Variants in ANKS1B observed in about 807,000 individuals in gnomAD.
ANKS1B encodes the protein ankyrin repeat and sterile alpha motif domain-containing protein 1B.
In ANKS1B, 36 loss-of-function variants were observed where a neutral mutation model predicts 148.3. The ratio of observed to expected loss-of-function variants is 0.24; its 90% CI spans 0.19 to 0.32. ANKS1B has a LOEUF of 0.32. Ranked by LOEUF, ANKS1B falls within the 10% of genes least tolerant of loss-of-function variation. The pLI, the probability that ANKS1B is intolerant of heterozygous loss-of-function variation, is 1.00. For synonymous variants in ANKS1B, 542 were observed against 560.8 expected (o/e 0.97, Z 0.47); for missense variants, 1,157 against 1,542.6 (o/e 0.75, Z 4.19).
chr12:99,205,858 A>C (rs1257579761), intron 14 of ANKS1B, among the ~76,000 whole-genome samples: 1 of 152,186 alleles, frequency 6.6e-6, no homozygotes, highest in African/African-American at 2.4e-5. Context: ...AAATTCGTAG[A>C]GATTTGGTTT....
intron 12 of ANKS1B, among the ~76,000 whole-genome samples, chr12:99,349,995 T>C (rs1268489951): frequency 6.6e-6 from 1 of 152,068 alleles, no homozygotes; most frequent in Non-Finnish European, 1.5e-5. Flanking sequence ...CCTATTGATA[T>C]GGTTTGGATC....
intron 17 of ANKS1B, among the ~76,000 whole-genome samples, chr12:98,840,858 T>G (rs906945553): frequency 6.6e-6 from 1 of 152,162 alleles, no homozygotes; most frequent in African/African-American, 2.4e-5. Flanking sequence ...TAGGAGAAAT[T>G]TGGTTTACAT....
intron 17 of ANKS1B, among the ~76,000 whole-genome samples, chr12:98,857,042 C>A (rs1183169955): frequency 9.3e-6 from 1 of 107,488 alleles, no homozygotes; most frequent in Non-Finnish European, 2.2e-5. Flanking sequence ...CCCCTGCACA[C>A]AATGATTCCT....
intron 12 of ANKS1B, among the ~76,000 whole-genome samples, chr12:99,383,747 G>A (rs1020480567): frequency 1.3e-5 from 2 of 150,524 alleles, no homozygotes; most frequent in African/African-American, 2.5e-5. Flanking sequence ...AGTGCAGTGC[G>A]CATGCCTGTA....
chr12:99,216,425 AT>A, intron 14 of ANKS1B, among the ~76,000 whole-genome samples: 1 of 151,234 alleles, frequency 6.6e-6, no homozygotes, highest in East Asian at 1.9e-4. Flanking sequence ...CATTTCTTTT[AT>A]TTGTTAAAAC....
chr12:99,715,570 C>A (rs891389196), intron 8 of ANKS1B, among the ~76,000 whole-genome samples: 3 of 152,194 alleles, frequency 2.0e-5, no homozygotes, highest in Non-Finnish European at 4.4e-5. Flanking sequence ...TTGGTGGTCT[C>A]TTCACACGGA....
chr12:99,850,048 A>G (rs2087449727), intron 1 of ANKS1B, among the ~76,000 whole-genome samples: 1 of 152,128 alleles, frequency 6.6e-6, no homozygotes, highest in African/African-American at 2.4e-5. Context: ...ATAGAATTGG[A>G]TTTAGATGTC....
rs77956614 is a variant in ANKS1B, at chr12:99,805,994, A to G, written c.669+410T>C. 7.5e-3 allele frequency among the ~76,000 whole-genome samples: 1,136 copies of G among 152,350 alleles called. 15 individuals carry two copies. The highest frequency in any genetic ancestry group is 0.026 in the African/African-American group (1,090 of 41,582). The stretch of plus-strand genomic sequence containing the variant: ...TTCTCAATCCCAAAGGACAGTTGTG[A>G]GAATTGAATTCTAAATGTGTCAACA... On this transcript the variant is annotated intron_variant, in intron 4 of 26. Transcript: ENST00000683438.
intron 8 of ANKS1B, among the ~76,000 whole-genome samples, chr12:99,673,583 G>T (rs924597199): frequency 2.0e-5 from 3 of 151,906 alleles, no homozygotes; most frequent in Admixed American, 1.3e-4. Context: ...TATAACTCAA[G>T]AATTTTATAC....
chr12:98,927,418 C>T lies in ANKS1B; in HGVS notation c.2779-95282G>A, dbSNP rs1229227857. On this transcript the variant is annotated intron_variant, in intron 17 of 26. Coordinates refer to ENST00000683438, the MANE Select transcript of ANKS1B (RefSeq NM_001352186.2). ...ATCCACATGAAAAAATAAAGAGTACCAGTACAAGTAACTGCATTTGTAAAT... is the reference window on the plus strand; with the variant it reads ...ATCCACATGAAAAAATAAAGAGTACTAGTACAAGTAACTGCATTTGTAAAT... Among the ~76,000 whole-genome samples, 8 of 151,954 alleles carry T rather than the reference C, an allele frequency of 5.3e-5. No homozygotes were observed. The East Asian group carries it at 7.7e-4, about 15-fold the overall frequency.
chr12:99,429,963 C>CA (rs972516311), intron 11 of ANKS1B, among the ~76,000 whole-genome samples: 142 of 144,914 alleles, frequency 9.8e-4, no homozygotes, highest in African/African-American at 3.4e-3. Context: ...GACTCCGTCT[C>CA]AAAAAAAATA....
At chr12:98,794,808 C>G in intron 22 of ANKS1B, 2 of 1,553,194 alleles carry the variant, frequency 1.3e-6, no homozygotes, top group Non-Finnish European at 1.8e-6. Flanking sequence ...GCTTAATGAA[C>G]AGATTGAAGA....
intron 12 of ANKS1B, among the ~76,000 whole-genome samples, chr12:99,325,703 G>T (rs2086181395): frequency 6.6e-6 from 1 of 152,080 alleles, no homozygotes; most frequent in Non-Finnish European, 1.5e-5. Context: ...TCAAGATTCT[G>T]AAGCATTTCT....
chr12:99,424,718 T>C (rs1179757205), intron 11 of ANKS1B, among the ~76,000 whole-genome samples: 1 of 151,872 alleles, frequency 6.6e-6, no homozygotes, highest in African/African-American at 2.4e-5. Flanking sequence ...TGTCTGTCTG[T>C]CTGTCTGTCT....
chr12:98,974,822 G>T (rs945007153), intron 17 of ANKS1B, among the ~76,000 whole-genome samples: 7 of 151,906 alleles, frequency 4.6e-5, no homozygotes, highest in Admixed American at 1.3e-4. Flanking sequence ...TTGTCTCCTT[G>T]CCTACCTTCC....
intron 12 of ANKS1B, among the ~76,000 whole-genome samples, chr12:99,293,468 G>A (rs958938731): frequency 1.3e-5 from 2 of 152,036 alleles, no homozygotes; most frequent in African/African-American, 4.8e-5. Flanking sequence ...CCTGCTCGTT[G>A]TGCACATGTA....
At chr12:99,787,158 C>G (rs1279203412) in intron 4 of ANKS1B, among the ~76,000 whole-genome samples, 3 of 152,054 alleles carry the variant, frequency 2.0e-5, no homozygotes, top group Non-Finnish European at 4.4e-5. Flanking sequence ...GCTATGTCCC[C>G]ATCCAAATCT....
At chr12:99,297,526 G>A (rs1266288971) in intron 12 of ANKS1B, among the ~76,000 whole-genome samples, 1 of 152,186 alleles carries the variant, frequency 6.6e-6, no homozygotes, top group Non-Finnish European at 1.5e-5. Context: ...GCTAGGCAAT[G>A]GAGATAAGAA....
chr12:99,750,151 TGTGA>T (rs1221128988), intron 8 of ANKS1B, among the ~76,000 whole-genome samples: 19 of 152,192 alleles, frequency 1.2e-4, no homozygotes, highest in African/African-American at 4.6e-4. Flanking sequence ...TATGTAAATT[TGTGA>T]GTGAGGCACT....
Sources: gnomAD v4.1 joint callset for allele counts (sites outside exome capture counted in the v4.1 genomes callset) on GRCh38, gnomAD v4.1.1 for gene constraint, MANE v1.5 for transcripts, NCBI Gene and HGNC (gene_info 2026-07-23, HGNC 2026-07-21) for gene names.